Variants in CFAP44 observed in about 807,000 individuals in gnomAD.
CFAP44 encodes cilia and flagella associated protein 44, also known as cilia- and flagella-associated protein 44.
A neutral mutation model predicts 216.2 loss-of-function variants in CFAP44; 134 were observed. The observed-to-expected ratio is 0.62, with a 90% CI of 0.54 to 0.72. CFAP44 has a LOEUF of 0.72. CFAP44 is among the 30% of genes least tolerant of loss of function. The probability of loss-of-function intolerance (pLI) is 0.00; values close to 1 mark genes in which losing one functional copy is unlikely to be tolerated. For synonymous variants in CFAP44, 700 were observed against 727.6 expected (o/e 0.96, Z 0.61); for missense variants, 2,035 against 2,182.1 (o/e 0.93, Z 1.34).
At chr3:113,330,129 T>C (rs75047956) in intron 26 of CFAP44, 39 bp downstream of exon 26, 52,464 of 1,458,402 alleles carry the variant, frequency 0.036, 1,232 homozygotes, top group East Asian at 0.11. Flanking sequence ...CCTTCTCTTC[T>C]CTCTTTCAGC....
At chr3:113,296,263 T>A (rs976315260) in intron 33 of CFAP44, among the ~76,000 whole-genome samples, 1 of 152,222 alleles carries the variant, frequency 6.6e-6, no homozygotes, top group African/African-American at 2.4e-5. Flanking sequence ...CATGGTATTC[T>A]ATATACATAT....
chr3:113,288,756 A>G lies in CFAP44; in HGVS notation c.*2801T>C, dbSNP rs2650095. The G allele has an allele frequency of 0.95, 144,234 of 152,338 alleles. 68,770 individuals are homozygous for G. Among genetic ancestry groups the G allele is most frequent in the East Asian group, 1 (5,182 of 5,182 alleles). The allele number at this position is 152,338 out of a possible 1,614,324, so 9.4% of individuals were successfully genotyped here. A position where few individuals can be genotyped will look rare whatever the true frequency, so the allele number is the denominator to read the frequency against. On this transcript the variant is annotated 3_prime_UTR_variant, in exon 35 of 35. Coordinates refer to ENST00000393845, the MANE Select transcript of CFAP44 (RefSeq NM_001164496.2). ...ATTTAGCTCTAAAGAGAAATTTAGC[A>G]CATGGCTCACAGACCTCCCTAAGCT... is the stretch of plus-strand genomic sequence containing the variant.
At chr3:113,325,102 G>A (rs890222114) in intron 28 of CFAP44, among the ~76,000 whole-genome samples, 3 of 151,992 alleles carry the variant, frequency 2.0e-5, no homozygotes, top group Admixed American at 6.6e-5. Flanking sequence ...AAGAGATTGA[G>A]ATCATCCTGG....
intron 31 of CFAP44, 40 bp downstream of exon 31, chr3:113,304,996 C>G: frequency 6.6e-7 from 1 of 1,519,064 alleles, no homozygotes; most frequent in Non-Finnish European, 8.8e-7. Flanking sequence ...TGTGATGACT[C>G]TTCTCGGACA....
chr3:113,338,949 T>C (rs1177401275), intron 24 of CFAP44, among the ~76,000 whole-genome samples: 1 of 152,140 alleles, frequency 6.6e-6, no homozygotes, highest in East Asian at 1.9e-4. Flanking sequence ...GAGACTCATA[T>C]CTTTAATTCC....
chr3:113,339,786 A>G (rs1950313791), intron 24 of CFAP44, among the ~76,000 whole-genome samples: 2 of 152,218 alleles, frequency 1.3e-5, no homozygotes, highest in Non-Finnish European at 2.9e-5. Context: ...GTTCTCAGCC[A>G]GCAGGGGCCA....
intron 22 of CFAP44, among the ~76,000 whole-genome samples, chr3:113,356,403 A>T (rs1208407284): frequency 1.3e-5 from 2 of 152,160 alleles, no homozygotes; most frequent in African/African-American, 4.8e-5. Flanking sequence ...AAAGAACCTA[A>T]CCAATCTTGG....
chr3:113,393,963 G>A (rs895104031), intron 15 of CFAP44, among the ~76,000 whole-genome samples: 4 of 152,166 alleles, frequency 2.6e-5, no homozygotes, highest in African/African-American at 7.2e-5. Context: ...GCAAAGCCAT[G>A]AGCCAAATTG....
chr3:113,362,417 G>A (rs1576570488), intron 21 of CFAP44, among the ~76,000 whole-genome samples: 1 of 152,036 alleles, frequency 6.6e-6, no homozygotes, highest in South Asian at 2.1e-4. Flanking sequence ...GGAGGAAGGG[G>A]CCACCACCAA....
chr3:113,435,122 CT>C (rs1935204796), intron 1 of CFAP44, among the ~76,000 whole-genome samples: 1 of 152,154 alleles, frequency 6.6e-6, no homozygotes, highest in Non-Finnish European at 1.5e-5. Context: ...GTTTGACAGG[CT>C]GAGGCAGGAG....
At chr3:113,353,479 C>T (rs942391937) in intron 22 of CFAP44, among the ~76,000 whole-genome samples, 1 of 151,746 alleles carries the variant, frequency 6.6e-6, no homozygotes, top group African/African-American at 2.4e-5. Flanking sequence ...CACACACACA[C>T]ACACACACAC....
At chr3:113,303,782 TGTG>T in intron 32 of CFAP44, 131 bp downstream of exon 32, 4 of 915,886 alleles carry the variant, frequency 4.4e-6, no homozygotes, top group Non-Finnish European at 4.8e-6. Context: ...AGGAAGATGT[TGTG>T]GTGTTCTTGT....
chr3:113,410,240 G>A (rs1380121941), intron 6 of CFAP44, among the ~76,000 whole-genome samples: 3 of 151,956 alleles, frequency 2.0e-5, no homozygotes, highest in East Asian at 1.9e-4. Context: ...ATGTTGGTGT[G>A]CTTCACCCAT....
rs560871726 is a variant in CFAP44 at position 113,441,072 on chromosome 3, G to A, written c.-6+381C>T. On this transcript the variant is annotated intron_variant, in intron 1 of 34. Transcript: ENST00000393845. ...TCTTTCTGGAGATGAGGAAGCCGAA[G>A]TGCAGAGGGCCCAGCGTGCCAAGCG... Among the ~76,000 whole-genome samples, 4 of 152,344 alleles carry A rather than the reference G, an allele frequency of 2.6e-5. No homozygotes were observed. The East Asian group carries it at 7.7e-4, about 29-fold the overall frequency.
chr3:113,418,378 C>T (rs915524196), intron 5 of CFAP44, among the ~76,000 whole-genome samples: 11 of 152,084 alleles, frequency 7.2e-5, no homozygotes, highest in African/African-American at 1.7e-4. Flanking sequence ...GGAGCCACCG[C>T]GCCAAGCCAG....
rs11922229 is a variant in CFAP44 at position 113,342,452 on chromosome 3, T to A, written c.3263-534A>T. ...AAAGATCTAAGCCACATTTTTTGCT[T>A]TTAAAACCCTTATTAAAAAGTTGGC... On this transcript the variant is annotated intron_variant, in intron 23 of 34. Coordinates refer to ENST00000393845, the MANE Select transcript of CFAP44 (RefSeq NM_001164496.2). 1.9e-3 allele frequency among the ~76,000 whole-genome samples: 291 copies of A among 152,360 alleles called. 2 individuals are homozygous for A. The highest frequency in any genetic ancestry group is 5.7e-3 in the African/African-American group (238 of 41,584).
chr3:113,295,581 C>T (rs558563013), intron 33 of CFAP44, among the ~76,000 whole-genome samples: 1 of 152,320 alleles, frequency 6.6e-6, no homozygotes, highest in African/African-American at 2.4e-5. Context: ...AGCTCTCCTC[C>T]TACCCCATCT....
intron 1 of CFAP44, among the ~76,000 whole-genome samples, chr3:113,437,031 G>T (rs545779409): frequency 6.6e-6 from 1 of 152,276 alleles, no homozygotes; most frequent in Admixed American, 6.5e-5. Context: ...ATCTACTTCT[G>T]GGCTCATTCA....
intron 28 of CFAP44, 114 bp from the exon 29 acceptor site, chr3:113,308,382 T>G: frequency 1.2e-6 from 1 of 801,722 alleles, no homozygotes; most frequent in Non-Finnish European, 1.9e-6. Flanking sequence ...TAACTCAATA[T>G]AAGAGTTTAA....
Sources: gnomAD v4.1 joint callset for allele counts (sites outside exome capture counted in the v4.1 genomes callset) on GRCh38, gnomAD v4.1.1 for gene constraint, MANE v1.5 for transcripts, NCBI Gene and HGNC (gene_info 2026-07-23, HGNC 2026-07-21) for gene names.